Variants in TACC2 observed in about 807,000 individuals in gnomAD.
TACC2 encodes transforming acidic coiled-coil containing protein 2, also known as transforming acidic coiled-coil-containing protein 2.
Under a neutral mutation model 227.3 loss-of-function variants are expected in TACC2, and 137 were observed. The observed-to-expected ratio is 0.60, with a 90% CI of 0.52 to 0.69. TACC2 has a LOEUF of 0.69. Among genes scored for constraint, TACC2 ranks in the 30% least tolerant of loss-of-function variants. The pLI, the probability that TACC2 is intolerant of heterozygous loss-of-function variation, is 0.00. For synonymous variants in TACC2, 1,523 were observed against 1,487.5 expected (o/e 1.02, Z -0.55); for missense variants, 3,470 against 3,694.4 (o/e 0.94, Z 1.57).
chr10:122,043,661 C>T (rs1291747886), intron 2 of TACC2, among the ~76,000 whole-genome samples: 1 of 152,062 alleles, frequency 6.6e-6, no homozygotes, highest in Non-Finnish European at 1.5e-5. Flanking sequence ...CTTACTGCAA[C>T]CTCCACCTCC....
At chr10:122,158,350 C>T (rs1220704071) in intron 7 of TACC2, among the ~76,000 whole-genome samples, 1 of 151,886 alleles carries the variant, frequency 6.6e-6, no homozygotes, top group African/African-American at 2.4e-5. Flanking sequence ...GATCGTGCCA[C>T]TGCACTCCAG....
At chr10:122,001,706 T>G (rs1954372919) in intron 1 of TACC2, among the ~76,000 whole-genome samples, 1 of 152,230 alleles carries the variant, frequency 6.6e-6, no homozygotes, top group Non-Finnish European at 1.5e-5. Context: ...AAAATCAGGA[T>G]CCAAACGAGT....
intron 7 of TACC2, among the ~76,000 whole-genome samples, chr10:122,158,887 C>A (rs931200818): frequency 6.6e-6 from 1 of 152,210 alleles, no homozygotes; most frequent in Non-Finnish European, 1.5e-5. Context: ...CCAGGACCTT[C>A]TCCCCATCCT....
At chr10:122,216,540 G>T in intron 10 of TACC2, 87 bp from the exon 11 acceptor site, 1 of 1,390,594 alleles carries the variant, frequency 7.2e-7, no homozygotes, top group Non-Finnish European at 9.9e-7. Flanking sequence ...GACCTGTCCT[G>T]GCTAATGGGT....
At position 122,082,781 on chromosome 10, in the gene TACC2, T is replaced by C; in HGVS notation, c.281T>C (p.Leu94Ser). The C allele has an allele frequency of 6.2e-7, 1 of 1,613,932 alleles. No individual in the cohort carries two copies. The highest frequency in any genetic ancestry group is 8.5e-7 in the Non-Finnish European group (1 of 1,180,014). The stretch of plus-strand genomic sequence containing the variant: ...GGAGCCAGGGGGCCAGAAGGTTCTT[T>C]GCTGCCCAGCCCACCACCGTCCCAG... The part of the protein sequence containing the change: ...PQGARGPEGS[L>S]LPSPPPSQER... Residue 94 changes from leucine (L) to serine (S), a missense_variant, in exon 4 of 23, where the codon TTG (leucine) becomes TCG (serine). This residue lies in a region of TACC2 where 405 missense variants were observed against 389.6 expected (regional missense o/e 1.04). Transcript: ENST00000369005.
At chr10:122,049,418 G>A (rs542446269) in intron 2 of TACC2, among the ~76,000 whole-genome samples, 9 of 152,294 alleles carry the variant, frequency 5.9e-5, no homozygotes, top group African/African-American at 1.4e-4. Context: ...AGGGAATCCC[G>A]TAGAAGGTCC....
At chr10:122,222,196 G>A (rs11595723) in intron 11 of TACC2, among the ~76,000 whole-genome samples, 2,941 of 152,280 alleles carry the variant, frequency 0.019, 34 homozygotes, top group Non-Finnish European at 0.033. Flanking sequence ...ATTGGATGTG[G>A]TTTCACCCCC....
intron 3 of TACC2, among the ~76,000 whole-genome samples, chr10:122,064,149 G>A (rs1466033763): frequency 6.6e-6 from 1 of 151,978 alleles, no homozygotes; most frequent in East Asian, 1.9e-4. Flanking sequence ...GTGACAGAGC[G>A]AGACTCTGTC....
chr10:122,078,302 GCCGA>G (rs2079062457), intron 3 of TACC2, among the ~76,000 whole-genome samples: 1 of 147,632 alleles, frequency 6.8e-6, no homozygotes, highest in African/African-American at 2.5e-5. Context: ...TTATGGTTTT[GCCGA>G]CTCCTGAAAA....
At chr10:122,187,002 C>T (rs183588730) in intron 7 of TACC2, among the ~76,000 whole-genome samples, 6 of 152,134 alleles carry the variant, frequency 3.9e-5, no homozygotes, top group Non-Finnish European at 5.9e-5. Flanking sequence ...AGTTACAAAT[C>T]GGTGAAATCA....
At chr10:122,171,625 A>G (rs1433316371) in intron 7 of TACC2, among the ~76,000 whole-genome samples, 2 of 152,246 alleles carry the variant, frequency 1.3e-5, no homozygotes, top group Admixed American at 6.5e-5. Flanking sequence ...CTTTCCGGCT[A>G]GTCATTATTC....
intron 7 of TACC2, among the ~76,000 whole-genome samples, chr10:122,158,096 C>T (rs1371135417): frequency 1.3e-5 from 2 of 151,964 alleles, no homozygotes; most frequent in Admixed American, 6.6e-5. Context: ...AAGTGAGTCT[C>T]GACTGGCTGT....
chr10:122,172,502 TG>T (rs2093522935), intron 7 of TACC2, among the ~76,000 whole-genome samples: 3 of 152,232 alleles, frequency 2.0e-5, no homozygotes. Context: ...TGGTGGAAGC[TG>T]CACATTGTTC....
Position 122,083,600 on chromosome 10 carries a change from T to C in TACC2, c.1100T>C (p.Leu367Pro). The stretch of plus-strand genomic sequence containing the variant: ...GCTGGGGGCTCTGGGAAGGAGGCTC[T>C]GGACACCATTGATGTTCAGGGTCAC... ...PEAGGSGKEA[L>P]DTIDVQGHPQ... Residue 367 changes from leucine to proline, a missense_variant, in exon 4 of 23, where the codon CTG becomes CCG. This residue lies in a region of TACC2 where 1,924 missense variants were observed against 1,978.3 expected (regional missense o/e 0.97). Coordinates refer to ENST00000369005, the MANE Select transcript of TACC2 (RefSeq NM_206862.4). The C allele has an allele frequency of 6.2e-7, 1 of 1,612,266 alleles. No homozygotes were observed. Among genetic ancestry groups the C allele is most frequent in the East Asian group, 2.2e-5 (1 of 44,864 alleles).
chr10:122,114,534 G>C (rs2084287201), intron 5 of TACC2, among the ~76,000 whole-genome samples: 1 of 152,210 alleles, frequency 6.6e-6, no homozygotes. Flanking sequence ...GACCAGTTGA[G>C]CCAGGCGGGT....
In TACC2 at chr10:122,084,349, A is replaced by G. The variant is rs142251964; in HGVS notation, c.1849A>G (p.Lys617Glu). 3.7e-6 allele frequency: 6 copies of G among 1,613,744 alleles called. No homozygotes were observed. Among genetic ancestry groups the G allele is most frequent in the Non-Finnish European group, 5.1e-6 (6 of 1,180,036 alleles). The change falls in exon 4 of 23, where the codon AAG (lysine) becomes GAG (glutamate). Residue 617 changes from lysine to glutamate, a missense_variant. This residue lies in a region of TACC2 where 1,924 missense variants were observed against 1,978.3 expected (regional missense o/e 0.97). Transcript: ENST00000369005. Reference sequence around the variant, plus strand: ...AGAAGTAGGCAAAGATGAGCTTTCAAAGCCAAGCAGTGATGCAGAGAGCAG... The same window carrying G: ...AGAAGTAGGCAAAGATGAGCTTTCAGAGCCAAGCAGTGATGCAGAGAGCAG... Reference protein sequence around the residue: ...DPEVGKDELSKPSSDAESRDH... With the variant: ...DPEVGKDELSEPSSDAESRDH...
At chr10:122,120,432 C>T (rs11200410) in intron 5 of TACC2, among the ~76,000 whole-genome samples, 16,416 of 152,170 alleles carry the variant, frequency 0.11, 965 homozygotes, top group East Asian at 0.19. Flanking sequence ...GGTCTTATGC[C>T]CCCACCCCCT....
chr10:122,241,171 T>C (rs1027645742), intron 18 of TACC2, among the ~76,000 whole-genome samples: 1 of 152,080 alleles, frequency 6.6e-6, no homozygotes, highest in African/African-American at 2.4e-5. Flanking sequence ...CAAGAAATCG[T>C]TGGTTCTCGC....
Position 122,008,242 on chromosome 10 carries a change from C to CT in TACC2, c.-45-13692dup, listed in dbSNP as rs1449412084. Among the ~76,000 whole-genome samples the CT allele has an allele frequency of 8.0e-3, 542 of 67,786 alleles. 3 individuals are homozygous for CT. The highest frequency in any genetic ancestry group is 0.03 in the African/African-American group (521 of 17,108). The allele number at this position is 67,786 out of a possible 152,430, so 44.5% of individuals were successfully genotyped here. A position where few individuals can be genotyped will look rare whatever the true frequency, so the allele number is the denominator to read the frequency against. ...GCTGTCCTTTGAATTCTGTCTATCCCTTTGTTATTATTATTATTATTATTT... is the reference window on the plus strand; with the variant it reads ...GCTGTCCTTTGAATTCTGTCTATCCCTTTTGTTATTATTATTATTATTATTT... On this transcript the variant is annotated intron_variant, in intron 1 of 22. Transcript: ENST00000369005.
Sources: allele counts gnomAD v4.1 joint callset (sites outside exome capture counted in the v4.1 genomes callset), GRCh38; gene constraint gnomAD v4.1.1; regional missense constraint gnomAD v4.1.1; transcripts MANE v1.5; gene names NCBI Gene and HGNC (gene_info 2026-07-23, HGNC 2026-07-21).